The following CHD2 variants were observed in gnomAD, a reference collection of about 807,000 sequenced individuals.
CHD2 encodes ATP-dependent chromatin remodeler CHD2.
CHD2 carries 28 observed loss-of-function variants against 243.9 expected under a neutral mutation model. The ratio of observed to expected loss-of-function variants is 0.11; its 90% CI spans 0.09 to 0.16. The LOEUF (loss-of-function observed/expected upper bound fraction) is 0.16. Among genes scored for constraint, CHD2 ranks in the 10% least tolerant of loss-of-function variants. The pLI, the probability that CHD2 is intolerant of heterozygous loss-of-function variation, is 1.00. For missense variants in CHD2, 1,386 were observed against 2,209.8 expected (o/e 0.63, Z 7.47); for synonymous variants, 775 against 779.0 (o/e 0.99, Z 0.09).
intron 2 of CHD2, among the ~76,000 whole-genome samples, chr15:92,911,007 C>G (rs1304109474): frequency 6.6e-6 from 1 of 152,146 alleles, no homozygotes; most frequent in Admixed American, 6.5e-5. Flanking sequence ...ATTTGTGTAT[C>G]TAAACAGAAA....
chr15:92,975,515 A>G (rs1047793758), intron 20 of CHD2, among the ~76,000 whole-genome samples: 1 of 152,214 alleles, frequency 6.6e-6, no homozygotes, highest in African/African-American at 2.4e-5. Context: ...ATATCAAATC[A>G]TCAGATGCCA....
intron 34 of CHD2, among the ~76,000 whole-genome samples, chr15:93,005,006 G>A (rs1430639461): frequency 2.6e-5 from 4 of 152,200 alleles, no homozygotes; most frequent in Non-Finnish European, 4.4e-5. Context: ...GGCTCTCAGG[G>A]CCCTTAGAGG....
intron 7 of CHD2, among the ~76,000 whole-genome samples, chr15:92,940,516 C>A (rs2053343231): frequency 6.6e-6 from 1 of 151,614 alleles, no homozygotes; most frequent in South Asian, 2.1e-4. Context: ...TTATAGAAAT[C>A]AAGTATTTTT....
At chr15:93,009,371 G>C (rs891328068) in intron 35 of CHD2, 48 bp downstream of exon 35, 1 of 1,549,940 alleles carries the variant, frequency 6.5e-7, no homozygotes, top group Admixed American at 2.0e-5. Context: ...CTGAGTGTGG[G>C]AGTGGATTCT....
intron 28 of CHD2, among the ~76,000 whole-genome samples, chr15:92,995,482 G>A (rs1411388310): frequency 8.5e-6 from 1 of 118,238 alleles, no homozygotes; most frequent in Non-Finnish European, 1.9e-5. Context: ...TAAAATTTAA[G>A]TGTGTGTGCG....
intron 2 of CHD2, among the ~76,000 whole-genome samples, chr15:92,916,060 G>A (rs1247967547): frequency 6.6e-6 from 1 of 152,182 alleles, no homozygotes; most frequent in African/African-American, 2.4e-5. Context: ...CTAATCAAGA[G>A]ACTTAAAAGA....
chr15:92,906,593 G>GT (rs1257351559), intron 2 of CHD2, among the ~76,000 whole-genome samples: 1 of 149,828 alleles, frequency 6.7e-6, no homozygotes, highest in Non-Finnish European at 1.5e-5. Context: ...GATACACTAA[G>GT]TTTGTTTCTG....
rs543589328 is a variant in CHD2, at chr15:92,996,586, G to GT, written c.3596-365dup. Among the ~76,000 whole-genome samples, 6 of 152,128 alleles carry GT rather than the reference G, an allele frequency of 3.9e-5. No homozygotes were observed. In the South Asian group the frequency reaches 1.2e-3, roughly 32 times the overall value. The stretch of plus-strand genomic sequence containing the variant: ...AAGTTCATTTTTAAAACACTTGAGA[G>GT]TTTTTTGACCTTCGCTAGTGGGATG... On this transcript the variant is annotated intron_variant, in intron 28 of 38. Coordinates refer to ENST00000394196, the MANE Select transcript of CHD2 (RefSeq NM_001271.4).
Position 92,997,893 on chromosome 15 carries a change from G to A in CHD2, c.3885+490G>A. 6.4e-6 allele frequency: 1 copy of A among 155,858 alleles called. No individual in the cohort carries two copies. 9.7% of individuals were successfully genotyped at this position (155,858 alleles called of 1,614,324 possible). A position where few individuals can be genotyped will look rare whatever the true frequency, so the allele number is the denominator to read the frequency against. Reference sequence around the variant, plus strand: ...TGCAAGTAGCAAGGCCATGGTTGGAGCTATAAGCAGGGAAGGCTGACTGGC... The same window carrying A: ...TGCAAGTAGCAAGGCCATGGTTGGAACTATAAGCAGGGAAGGCTGACTGGC... On this transcript the variant is annotated intron_variant, in intron 30 of 38. Coordinates refer to ENST00000394196, the MANE Select transcript of CHD2 (RefSeq NM_001271.4). This position sits in a 1 kb window ranked among gnomAD's most constrained non-coding sequence, Gnocchi z 4.1.
At chr15:92,993,134 T>G (rs2054142165) in intron 28 of CHD2, 136 bp downstream of exon 28, 1 of 859,850 alleles carries the variant, frequency 1.2e-6, no homozygotes, top group Admixed American at 2.4e-5. Flanking sequence ...CTGAGCTGCG[T>G]TTCTGTGAGC....
intron 5 of CHD2, among the ~76,000 whole-genome samples, chr15:92,934,385 G>A (rs897846127): frequency 2.3e-4 from 35 of 151,712 alleles, no homozygotes; most frequent in Non-Finnish European, 4.6e-4. Flanking sequence ...TCAAAATTTC[G>A]GGAAAAATTT....
intron 26 of CHD2, among the ~76,000 whole-genome samples, chr15:92,987,689 A>G (rs987094549): frequency 2.0e-5 from 3 of 151,142 alleles, no homozygotes; most frequent in Admixed American, 2.0e-4. Flanking sequence ...TTTTGATTGC[A>G]GTATTTAATC....
chr15:92,918,838 C>T (rs2052895448), intron 2 of CHD2, among the ~76,000 whole-genome samples: 2 of 151,238 alleles, frequency 1.3e-5, no homozygotes, highest in South Asian at 2.1e-4. Context: ...TATATACATA[C>T]ACACATATAT....
rs769684117 is a variant in CHD2 at position 93,004,766 on chromosome 15, CG to C, written c.4413+21del. ...CATTCAGCATAGTAAGTCTTGAAATCGGGGGGTGCCAGTGTCTGCAGCCGCG... is the reference window on the plus strand; with the variant it reads ...CATTCAGCATAGTAAGTCTTGAAATCGGGGGTGCCAGTGTCTGCAGCCGCG... On this transcript the variant is annotated intron_variant, in intron 34 of 38. Coordinates refer to ENST00000394196, the MANE Select transcript of CHD2 (RefSeq NM_001271.4). The C allele has an allele frequency of 6.2e-7, 1 of 1,607,704 alleles. No individual in the cohort carries two copies. The highest frequency in any genetic ancestry group is 8.5e-7 in the Non-Finnish European group (1 of 1,176,310).
chr15:92,984,876 C>T (rs1307801448), intron 25 of CHD2, among the ~76,000 whole-genome samples: 2 of 152,202 alleles, frequency 1.3e-5, no homozygotes, highest in Non-Finnish European at 2.9e-5. Context: ...GATATAAATA[C>T]TTAGTAAAGG....
At chr15:92,991,891 G>C (rs934539690) in intron 27 of CHD2, 1 of 162,920 alleles carries the variant, frequency 6.1e-6, no homozygotes. Context: ...AAGGTAAAAG[G>C]CTCTTTATGA....
intron 2 of CHD2, among the ~76,000 whole-genome samples, chr15:92,915,412 C>CT (rs2141724710): frequency 6.6e-6 from 1 of 152,112 alleles, no homozygotes; most frequent in South Asian, 2.1e-4. Context: ...GTAGCTGGGA[C>CT]TACAGGCATG....
chr15:92,974,970 G>A lies in CHD2; in HGVS notation c.2577+20G>A. On this transcript the variant is annotated intron_variant, in intron 20 of 38. Coordinates refer to ENST00000394196, the MANE Select transcript of CHD2 (RefSeq NM_001271.4). ...TCTGAGGTATACTATGCATGGCTTT[G>A]TTATTTGAGCAACTTGGGCTCTGCA... 6.2e-7 allele frequency: 1 copy of A among 1,605,304 alleles called. No homozygotes were observed. Among genetic ancestry groups the A allele is most frequent in the Non-Finnish European group, 8.5e-7 (1 of 1,172,850 alleles).
chr15:93,024,942 T>C lies in CHD2; in HGVS notation c.*237T>C. ...ATCCCATTCCAGCCTAGTTCTGGCC[T>C]CCCACTTTGACGGGCACTTGGAGGA... On this transcript the variant is annotated 3_prime_UTR_variant, in exon 39 of 39. Coordinates refer to ENST00000394196, the MANE Select transcript of CHD2 (RefSeq NM_001271.4). 1 of 477,662 alleles carries C rather than the reference T, an allele frequency of 2.1e-6. No homozygotes were observed. The highest frequency in any genetic ancestry group is 3.3e-5 in the South Asian group (1 of 29,918). The allele number at this position is 477,662 out of a possible 1,614,324, so 29.6% of individuals were successfully genotyped here. A position where few individuals can be genotyped will look rare whatever the true frequency, so the allele number is the denominator to read the frequency against.
Sources: gnomAD v4.1 joint callset for allele counts (sites outside exome capture counted in the v4.1 genomes callset) on GRCh38, gnomAD v4.1.1 for gene constraint, Gnocchi (gnomAD v3.1) non-coding constraint, MANE v1.5 for transcripts, NCBI Gene and HGNC (gene_info 2026-07-23, HGNC 2026-07-21) for gene names.